UTS2R: variants seen among roughly 807,000 people sequenced by gnomAD.
The protein encoded by UTS2R is urotensin 2 receptor, also known as urotensin-2 receptor.
For synonymous variants in UTS2R, 335 were observed against 280.9 expected (o/e 1.19, Z -1.93); for missense variants, 653 against 562.2 (o/e 1.16, Z -1.63).
In UTS2R at chr17:82,375,295, A is replaced by G; in HGVS notation, c.971A>G (p.Asp324Gly). The G allele has an allele frequency of 6.4e-7, 1 of 1,552,314 alleles. No individual in the cohort carries two copies. Among genetic ancestry groups the G allele is most frequent in the Non-Finnish European group, 8.7e-7 (1 of 1,150,146 alleles). ...LYTLLTRNYR[D>G]HLRGRVRGPG... is the part of the protein sequence containing the mutation. ...ACGCTGCTCACCAGGAACTACCGCG[A>G]CCACCTGCGCGGCCGCGTGCGGGGC... The change falls in exon 3 of 3, where the codon GAC (aspartate) becomes GGC (glycine). Residue 324 changes from aspartate (D) to glycine (G), a missense_variant. Transcript: ENST00000313135.
In UTS2R at chr17:82,375,236, C is replaced by T; in HGVS notation, c.912C>T (p.Thr304=). The change falls in exon 3 of 3, where the codon ACC becomes ACT. Residue 304 remains threonine, a synonymous_variant. Coordinates refer to ENST00000313135, the MANE Select transcript of UTS2R (RefSeq NM_018949.3). ...RIVNYLTTCL[T]YGNSCANPFL... ...TCAACTACCTGACCACCTGCCTCAC[C>T]TACGGCAACAGCTGCGCCAACCCCT... 1.3e-6 allele frequency: 2 copies of T among 1,583,328 alleles called. No individual in the cohort carries two copies. The highest frequency in any genetic ancestry group is 1.7e-6 in the Non-Finnish European group (2 of 1,166,120).
At position 82,374,679 on chromosome 17, in the gene UTS2R, G is replaced by C. The variant is rs747975556; in HGVS notation, c.355G>C (p.Gly119Arg). 1 of 1,613,406 alleles carries C rather than the reference G, an allele frequency of 6.2e-7. No individual in the cohort carries two copies. Among genetic ancestry groups the C allele is most frequent in the African/African-American group, 1.3e-5 (1 of 75,056 alleles). Residue 119 changes from glycine (G) to arginine (R), a missense_variant, in exon 3 of 3, where the codon GGG becomes CGG. Physicochemically the swap from Gly to Arg is moderately radical, Grantham distance 125 (BLOSUM62 -2). Coordinates refer to ENST00000313135, the MANE Select transcript of UTS2R (RefSeq NM_018949.3). ...CTACGTCACCAAGGAGTGGCACTTC[G>C]GGGACGTGGGCTGCCGCGTGCTCTT... The part of the protein sequence containing the change: ...ATYVTKEWHF[G>R]DVGCRVLFGL...
Position 82,374,519 on chromosome 17 carries a change from CG to C in UTS2R, c.196del (p.Val66TrpfsTer67). The C allele has an allele frequency of 6.3e-7, 1 of 1,583,144 alleles. No individual in the cohort carries two copies. The highest frequency in any genetic ancestry group is 8.6e-7 in the Non-Finnish European group (1 of 1,165,500). On this transcript the variant is annotated frameshift_variant, in exon 3 of 3. Transcript: ENST00000313135. LOFTEE classifies it low-confidence loss of function (END_TRUNC). The stretch of plus-strand genomic sequence containing the variant: ...TGCTGTCGGCCATGGGCGTGGTGGG[CG>C]TGGTGGGCAACGCCTACACGCTGGT... ...TLLSAMGVVGVVGNAYTLVVT... is the reference protein window; with the variant it reads ...TLLSAMGVVGXVGNAYTLVVT...
At position 82,375,078 on chromosome 17, in the gene UTS2R, C is replaced by A. The variant is rs372731438; in HGVS notation, c.754C>A (p.Pro252Thr). 14 of 1,407,076 alleles carry A rather than the reference C, an allele frequency of 9.9e-6. No individual in the cohort carries two copies. The East Asian group carries it at 1.8e-4, about 18-fold the overall frequency. The allele number at this position is 1,407,076 out of a possible 1,614,324, so 87.2% of individuals were successfully genotyped here. ...QRASFKRARR[P>T]GARALRLVLG... ...CGCCTCCTTCAAGCGGGCCCGGCGGCCGGGGGCGCGCGCGCTGCGCCTGGT... is the reference window on the plus strand; with the variant it reads ...CGCCTCCTTCAAGCGGGCCCGGCGGACGGGGGCGCGCGCGCTGCGCCTGGT... Residue 252 changes from proline to threonine, a missense_variant, in exon 3 of 3, where the codon CCG becomes ACG. Physicochemically the swap from Pro to Thr is conservative, Grantham distance 38. Transcript: ENST00000313135.
At position 82,374,061 on chromosome 17, in the gene UTS2R, G is replaced by C. The variant is rs1281320769; in HGVS notation, c.-82-182G>C. Among the ~76,000 whole-genome samples, 12 of 151,152 alleles carry C rather than the reference G, an allele frequency of 7.9e-5. No individual in the cohort carries two copies. The South Asian group carries it at 2.5e-3, about 32-fold the overall frequency. The stretch of plus-strand genomic sequence containing the variant: ...GGTCCTGCTGGGGCATGCGGGGGTC[G>C]GGGAGGGGGGTTGGGGCAGCTCGTC... On this transcript the variant is annotated intron_variant, in intron 2 of 2. Transcript: ENST00000313135.
At position 82,374,510 on chromosome 17, in the gene UTS2R, C is replaced by A. The variant is rs766620585; in HGVS notation, c.186C>A (p.Gly62=). The A allele has an allele frequency of 1.9e-6, 3 of 1,579,908 alleles. No individual in the cohort carries two copies. The part of the protein sequence containing the change: ...GTIGTLLSAM[G]VVGVVGNAYT... ...TTGGGACTCTGCTGTCGGCCATGGG[C>A]GTGGTGGGCGTGGTGGGCAACGCCT... is the stretch of plus-strand genomic sequence containing the variant. Residue 62 remains glycine, a synonymous_variant, in exon 3 of 3, where the codon GGC becomes GGA. Transcript: ENST00000313135.
intron 2 of UTS2R, among the ~76,000 whole-genome samples, chr17:82,373,416 C>T (rs532354499): frequency 5.9e-5 from 9 of 152,342 alleles, no homozygotes; most frequent in African/African-American, 2.2e-4. Context: ...CTTGCCTAGG[C>T]CTCCTAAAGT....
At chr17:82,374,021 T>G (rs2052467358) in intron 2 of UTS2R, among the ~76,000 whole-genome samples, 1 of 21,772 alleles carries the variant, frequency 4.6e-5, no homozygotes, top group African/African-American at 1.8e-4. Context: ...GGACCTACAG[T>G]GAGGGGGGGG....
chr17:82,373,772 T>C (rs956733367), intron 2 of UTS2R, among the ~76,000 whole-genome samples: 2 of 152,194 alleles, frequency 1.3e-5, no homozygotes, highest in Admixed American at 6.5e-5. Context: ...TTAAAGTCAG[T>C]AGCTACTAGT....
Position 82,375,197 on chromosome 17 carries a change from G to A in UTS2R, c.873G>A (p.Arg291=), listed in dbSNP as rs145149538. Residue 291 remains arginine, a synonymous_variant, in exon 3 of 3, where the codon CGG becomes CGA. Transcript: ENST00000313135. Reference sequence around the variant, plus strand: ...ACCACCAGGCCCCGCTGGCGCCGCGGACGGCGCGCATCGTCAACTACCTGA... The same window carrying A: ...ACCACCAGGCCCCGCTGGCGCCGCGAACGGCGCGCATCGTCAACTACCTGA... ...AQYHQAPLAP[R]TARIVNYLTT... The A allele has an allele frequency of 6.9e-5, 108 of 1,564,092 alleles. No individual in the cohort carries two copies. The African/African-American group carries it at 1.0e-3, about 15-fold the overall frequency.
rs200287789 is a variant in UTS2R, at chr17:82,375,398, C to T, written c.1074C>T (p.Ser358=). The T allele has an allele frequency of 2.7e-5, 42 of 1,578,000 alleles. No homozygotes were observed. Among genetic ancestry groups the T allele is most frequent in the Non-Finnish European group, 3.6e-5 (42 of 1,170,214 alleles). ...GCTTCCAGCGCTGTTCGGGCCGCTC[C>T]CTGTCTTCCTGCAGCCCACAGCCCA... ...RARFQRCSGR[S]LSSCSPQPTD... is the part of the protein sequence containing the mutation. The change falls in exon 3 of 3, where the codon TCC becomes TCT. Residue 358 remains serine (S), a synonymous_variant. Coordinates refer to ENST00000313135, the MANE Select transcript of UTS2R (RefSeq NM_018949.3).
chr17:82,375,950 C>G lies in UTS2R; in HGVS notation c.*456C>G, dbSNP rs1464817348. ...CGCCACATCTGAGGTGTGGGAGGATCGGCCGGCAGGATCCCCAGGACGACA... is the reference window on the plus strand; with the variant it reads ...CGCCACATCTGAGGTGTGGGAGGATGGGCCGGCAGGATCCCCAGGACGACA... On this transcript the variant is annotated 3_prime_UTR_variant, in exon 3 of 3. Coordinates refer to ENST00000313135, the MANE Select transcript of UTS2R (RefSeq NM_018949.3). 6.6e-6 allele frequency among the ~76,000 whole-genome samples: 1 copy of G among 152,222 alleles called. No homozygotes were observed. The highest frequency in any genetic ancestry group is 2.4e-5 in the African/African-American group (1 of 41,466).
rs993927989 is a variant in UTS2R at position 82,377,029 on chromosome 17, A to C, written c.*1535A>C. 6.6e-6 allele frequency among the ~76,000 whole-genome samples: 1 copy of C among 152,220 alleles called. No individual in the cohort carries two copies. The highest frequency in any genetic ancestry group is 2.4e-5 in the African/African-American group (1 of 41,458). ...CGGTTTTGTGGAATAGAAAGGCAGG[A>C]AAGGTGGGGAAAAGATTGAGAAATC... On this transcript the variant is annotated 3_prime_UTR_variant, in exon 3 of 3. Coordinates refer to ENST00000313135, the MANE Select transcript of UTS2R (RefSeq NM_018949.3).
chr17:82,374,566 G>A lies in UTS2R; in HGVS notation c.242G>A (p.Arg81His), dbSNP rs201087931. ...YTLVVTCRSLRAVASMYVYVV... is the reference protein window; with the variant it reads ...YTLVVTCRSLHAVASMYVYVV... ...CTGGTGGTCACCTGCCGCTCCCTGC[G>A]TGCGGTGGCCTCCATGTACGTCTAC... is the stretch of plus-strand genomic sequence containing the variant. Residue 81 changes from arginine to histidine, a missense_variant, in exon 3 of 3, where the codon CGT (arginine) becomes CAT (histidine). Coordinates refer to ENST00000313135, the MANE Select transcript of UTS2R (RefSeq NM_018949.3). The A allele has an allele frequency of 6.3e-7, 1 of 1,596,896 alleles. No individual in the cohort carries two copies. The highest frequency in any genetic ancestry group is 8.5e-7 in the Non-Finnish European group (1 of 1,172,346).
chr17:82,374,809 C>T lies in UTS2R; in HGVS notation c.485C>T (p.Pro162Leu). 3 of 1,556,070 alleles carry T rather than the reference C, an allele frequency of 1.9e-6. No individual in the cohort carries two copies. Among genetic ancestry groups the T allele is most frequent in the South Asian group, 2.3e-5 (2 of 88,280 alleles). ...VLRPLDTVQR[P>L]KGYRKLLALG... ...CGGCCGCTGGACACCGTGCAGCGCC[C>T]CAAGGGCTACCGCAAGCTGCTGGCG... Residue 162 changes from proline to leucine, a missense_variant, in exon 3 of 3, where the codon CCC (proline) becomes CTC (leucine). Transcript: ENST00000313135.
Position 82,376,857 on chromosome 17 carries a change from C to T in UTS2R, c.*1363C>T, listed in dbSNP as rs1035839016. Among the ~76,000 whole-genome samples the T allele has an allele frequency of 1.3e-5, 2 of 152,110 alleles. No individual in the cohort carries two copies. Among genetic ancestry groups the T allele is most frequent in the Admixed American group, 6.5e-5 (1 of 15,286 alleles). ...GAGGGAGGTGGGGGGGTCAGCCCCC[C>T]GCCCGGCCAGCCACCCCGTCCGGGA... On this transcript the variant is annotated 3_prime_UTR_variant, in exon 3 of 3. Transcript: ENST00000313135.
chr17:82,375,462 C>T lies in UTS2R; in HGVS notation c.1138C>T (p.Pro380Ser), dbSNP rs2052489224. 1.3e-6 allele frequency: 2 copies of T among 1,509,672 alleles called. No homozygotes were observed. Among genetic ancestry groups the T allele is most frequent in the Admixed American group, 2.0e-5 (1 of 50,538 alleles). 93.5% of individuals were successfully genotyped at this position (1,509,672 alleles called of 1,614,324 possible). ...LVLAPAAPAR[P>S]APEGPRAPA The stretch of plus-strand genomic sequence containing the variant: ...GCTGGCCCCAGCGGCCCCGGCCCGA[C>T]CTGCGCCCGAGGGTCCCAGGGCCCC... Residue 380 changes from proline to serine, a missense_variant, in exon 3 of 3, where the codon CCT (proline) becomes TCT (serine). Coordinates refer to ENST00000313135, the MANE Select transcript of UTS2R (RefSeq NM_018949.3).
chr17:82,374,832 G>C lies in UTS2R; in HGVS notation c.508G>C (p.Ala170Pro). ...QRPKGYRKLL[A>P]LGTWLLALLL... ...CCCCAAGGGCTACCGCAAGCTGCTG[G>C]CGCTGGGCACCTGGCTGCTGGCGCT... The change falls in exon 3 of 3, where the codon GCG becomes CCG. Residue 170 changes from alanine to proline, a missense_variant. Coordinates refer to ENST00000313135, the MANE Select transcript of UTS2R (RefSeq NM_018949.3). 1 of 1,490,624 alleles carries C rather than the reference G, an allele frequency of 6.7e-7. No homozygotes were observed. The highest frequency in any genetic ancestry group is 9.1e-7 in the Non-Finnish European group (1 of 1,094,362). 92.3% of individuals were successfully genotyped at this position (1,490,624 alleles called of 1,614,324 possible).
chr17:82,377,129 C>A lies in UTS2R; in HGVS notation c.*1635C>A, dbSNP rs2052503183. ...ATTTTGTTCTGTACTAAGAAAAATT[C>A]TTCTGCCTTGGGATCCTGTTGATCT... On this transcript the variant is annotated 3_prime_UTR_variant, in exon 3 of 3. Coordinates refer to ENST00000313135, the MANE Select transcript of UTS2R (RefSeq NM_018949.3). 6.6e-6 allele frequency among the ~76,000 whole-genome samples: 1 copy of A among 152,106 alleles called. No homozygotes were observed. Among genetic ancestry groups the A allele is most frequent in the South Asian group, 2.1e-4 (1 of 4,822 alleles).
Sources: gnomAD v4.1 joint callset for allele counts (sites outside exome capture counted in the v4.1 genomes callset) on GRCh38, gnomAD v4.1.1 for gene constraint, MANE v1.5 for transcripts, NCBI Gene and HGNC (gene_info 2026-07-23, HGNC 2026-07-21) for gene names.